SAMD12: variants seen among roughly 807,000 people sequenced by gnomAD.
SAMD12 encodes sterile alpha motif domain-containing protein 12.
In SAMD12, 9 loss-of-function variants were observed where a neutral mutation model predicts 15.0. That is an observed-to-expected ratio of 0.60 (90% CI 0.36 to 1.05). SAMD12 has a LOEUF of 1.05. Among genes scored for constraint, SAMD12 ranks in the 50% least tolerant of loss-of-function variants. The pLI is 0.01. For synonymous variants in SAMD12, 86 were observed against 90.1 expected (o/e 0.96, Z 0.25); for missense variants, 230 against 234.2 (o/e 0.98, Z 0.12).
At chr8:118,533,019 A>C (rs1452400153) in intron 2 of SAMD12, among the ~76,000 whole-genome samples, 10 of 151,918 alleles carry the variant, frequency 6.6e-5, no homozygotes, top group African/African-American at 1.9e-4. Context: ...TAGTTCTTTT[A>C]ATTGTGATGT....
intron 2 of SAMD12, among the ~76,000 whole-genome samples, chr8:118,530,988 A>G (rs537125642): frequency 1.8e-4 from 27 of 152,112 alleles, no homozygotes; most frequent in Non-Finnish European, 3.7e-4. Flanking sequence ...CTACAGGCAC[A>G]TGCCACTACA....
chr8:118,538,160 CTCTG>C (rs61235691), intron 2 of SAMD12, among the ~76,000 whole-genome samples: 10,602 of 151,652 alleles, frequency 0.07, 1,149 homozygotes, highest in African/African-American at 0.23. Context: ...TGGAGTTAGT[CTCTG>C]TCTGTCTGTC....
chr8:118,134,167 A>G, the SAMD12 span, among the ~76,000 whole-genome samples: 1 of 152,180 alleles, frequency 6.6e-6, no homozygotes, highest in Non-Finnish European at 1.5e-5. Context: ...AAAAGGCAAA[A>G]TCTTCCCCAA....
intron 4 of SAMD12, among the ~76,000 whole-genome samples, chr8:118,228,036 A>G: frequency 6.6e-6 from 1 of 152,240 alleles, no homozygotes; most frequent in East Asian, 1.9e-4. Context: ...AAGTGAGGAA[A>G]GGACACCCTT....
chr8:118,281,349 C>T (rs1468495552), intron 4 of SAMD12, among the ~76,000 whole-genome samples: 1 of 152,144 alleles, frequency 6.6e-6, no homozygotes, highest in Admixed American at 6.5e-5. Context: ...CCCCTTCCTT[C>T]GATGGCTTTT....
chr8:118,203,802 A>G (rs984425219), intron 4 of SAMD12, among the ~76,000 whole-genome samples: 1 of 139,710 alleles, frequency 7.2e-6, no homozygotes, highest in Non-Finnish European at 1.5e-5. Context: ...TCATTGTTCA[A>G]TTCCCACCTA....
intron 1 of SAMD12, among the ~76,000 whole-genome samples, chr8:118,591,591 C>G (rs181836290): frequency 1.3e-5 from 2 of 152,090 alleles, no homozygotes; most frequent in African/African-American, 4.8e-5. Context: ...GTACCATGCA[C>G]TTTTAAAGGA....
downstream of SAMD12, among the ~76,000 whole-genome samples, chr8:118,376,579 T>C (rs1819398100): frequency 6.6e-6 from 1 of 152,192 alleles, no homozygotes; most frequent in South Asian, 2.1e-4. Context: ...ACCTAGATTA[T>C]GGCATTTTGT....
intron 1 of SAMD12, among the ~76,000 whole-genome samples, chr8:118,596,774 T>C (rs79475492): frequency 7.1e-4 from 108 of 152,092 alleles, no homozygotes; most frequent in Non-Finnish European, 1.4e-3. Flanking sequence ...CACTGAAGAG[T>C]AATTAGTGAG....
At chr8:118,220,133 C>A (rs1400182414) in intron 4 of SAMD12, among the ~76,000 whole-genome samples, 3 of 152,122 alleles carry the variant, frequency 2.0e-5, no homozygotes, top group Non-Finnish European at 4.4e-5. Context: ...ATGGTGGGAC[C>A]AACCTGGGAG....
At chr8:118,273,698 G>C (rs1470279484) in intron 4 of SAMD12, among the ~76,000 whole-genome samples, 3 of 152,134 alleles carry the variant, frequency 2.0e-5, no homozygotes, top group Non-Finnish European at 4.4e-5. Context: ...AGGAAGGCAG[G>C]GCGGAGGGGT....
intron 4 of SAMD12, among the ~76,000 whole-genome samples, chr8:118,266,869 TA>T (rs1225689200): frequency 6.6e-6 from 1 of 151,970 alleles, no homozygotes; most frequent in South Asian, 2.1e-4. Context: ...GGTCAAATGA[TA>T]AAAAATTTAA....
At chr8:118,166,213 T>C in the SAMD12 span, among the ~76,000 whole-genome samples, 2 of 152,220 alleles carry the variant, frequency 1.3e-5, no homozygotes, top group Admixed American at 6.5e-5. Flanking sequence ...GGTCTATAAA[T>C]AGAGACCATT....
At chr8:118,219,556 G>A (rs937092513) in intron 4 of SAMD12, among the ~76,000 whole-genome samples, 3 of 152,182 alleles carry the variant, frequency 2.0e-5, no homozygotes, top group Non-Finnish European at 4.4e-5. Context: ...AGTGGAGGTT[G>A]GCCTCTGACT....
chr8:118,586,631 C>T (rs1827453090), intron 1 of SAMD12, among the ~76,000 whole-genome samples: 1 of 152,194 alleles, frequency 6.6e-6, no homozygotes, highest in Non-Finnish European at 1.5e-5. Flanking sequence ...GCATCAGCTA[C>T]ATTGCCCAGC....
chr8:118,187,580 C>T (rs913337786), downstream of SAMD12, among the ~76,000 whole-genome samples: 4 of 152,324 alleles, frequency 2.6e-5, no homozygotes, highest in East Asian at 7.7e-4. Flanking sequence ...GTGGTCTCAA[C>T]TGAACTTCTC....
chr8:118,220,223 T>G (rs771650058), intron 4 of SAMD12, among the ~76,000 whole-genome samples: 3 of 152,230 alleles, frequency 2.0e-5, no homozygotes, highest in Non-Finnish European at 4.4e-5. Flanking sequence ...TACAGTTCCA[T>G]CGTCGTGCTA....
intron 4 of SAMD12, among the ~76,000 whole-genome samples, chr8:118,221,122 A>G (rs1412820443): frequency 6.6e-6 from 1 of 152,172 alleles, no homozygotes; most frequent in Non-Finnish European, 1.5e-5. Context: ...AGGGATCAAA[A>G]TATTTTTGTC....
chr8:118,439,901 A>G lies in SAMD12; in HGVS notation c.253T>C (p.Trp85Arg), dbSNP rs1822685102. 1 of 1,613,444 alleles carries G rather than the reference A, an allele frequency of 6.2e-7. No individual in the cohort carries two copies. Among genetic ancestry groups the G allele is most frequent in the Non-Finnish European group, 8.5e-7 (1 of 1,179,386 alleles). ...TGATTCGGACAATGTTTCTTCAACC[A>G]CTTGCAGACATCCTGCTGGGTCCAT... Reference protein sequence around the residue: ...ALWTQQDVCKWLKKHCPNQYQ... With the variant: ...ALWTQQDVCKRLKKHCPNQYQ... The change falls in exon 3 of 4, where the codon TGG becomes CGG. Residue 85 changes from tryptophan (W) to arginine (R), a missense_variant. Trp to Arg is a moderately radical substitution (Grantham distance 101). Coordinates refer to ENST00000314727, the MANE Select transcript of SAMD12 (RefSeq NM_207506.3).
Sources: allele counts gnomAD v4.1 joint callset (sites outside exome capture counted in the v4.1 genomes callset), GRCh38; gene constraint gnomAD v4.1.1; transcripts MANE v1.5; gene names NCBI Gene and HGNC (gene_info 2026-07-23, HGNC 2026-07-21).